Variants in PPARG observed in about 807,000 individuals in gnomAD.
PPARG encodes the protein peroxisome proliferator activated receptor gamma.
A neutral mutation model predicts 39.2 loss-of-function variants in PPARG; 17 were observed. The ratio of observed to expected loss-of-function variants is 0.43; its 90% CI spans 0.30 to 0.65. PPARG has a LOEUF of 0.65. PPARG is among the 30% of genes least tolerant of loss of function. PPARG has a pLI of 0.13. For missense variants in PPARG, 406 were observed against 585.9 expected, an observed-to-expected ratio of 0.69 and a Z score of 3.17; for synonymous variants, 223 against 215.7, an observed-to-expected ratio of 1.03 and a Z score of -0.30.
chr3:12,376,913 G>A (rs903397359), intron 2 of PPARG, among the ~76,000 whole-genome samples: 1 of 152,160 alleles, frequency 6.6e-6, no homozygotes, highest in Non-Finnish European at 1.5e-5. Context: ...TTTATGAGCA[G>A]CTCATCTCTG....
chr3:12,330,032 A>G (rs992551452), intron 2 of PPARG, among the ~76,000 whole-genome samples: 1 of 152,112 alleles, frequency 6.6e-6, no homozygotes, highest in African/African-American at 2.4e-5. Flanking sequence ...GTGTTTCTCC[A>G]TTCATCTACT....
chr3:12,351,757 G>T (rs1323197853), intron 2 of PPARG: 1 of 1,109,346 alleles, frequency 9.0e-7, no homozygotes, highest in Non-Finnish European at 1.4e-6. Context: ...TTGTCTTCCA[G>T]GTTGTGTTTG....
intron 2 of PPARG, among the ~76,000 whole-genome samples, chr3:12,358,641 T>C (rs2048740935): frequency 6.6e-6 from 1 of 152,212 alleles, no homozygotes; most frequent in African/African-American, 2.4e-5. Flanking sequence ...CAAGTTTGCT[T>C]AGTGGATTAA....
intron 7 of PPARG, among the ~76,000 whole-genome samples, chr3:12,422,711 C>T (rs530737182): frequency 2.3e-3 from 357 of 152,092 alleles, no homozygotes; most frequent in Non-Finnish European, 4.4e-3. Context: ...GAGGCTTCGT[C>T]TCTACAAAAA....
chr3:12,340,906 T>C (rs968987385), intron 2 of PPARG, among the ~76,000 whole-genome samples: 2 of 152,174 alleles, frequency 1.3e-5, no homozygotes, highest in Non-Finnish European at 2.9e-5. Flanking sequence ...ATTAGATGGC[T>C]GGGCGTGGTG....
chr3:12,405,539 C>G (rs1051234349), intron 5 of PPARG, among the ~76,000 whole-genome samples: 3 of 152,162 alleles, frequency 2.0e-5, no homozygotes, highest in African/African-American at 7.2e-5. Context: ...AAGAAGGTGA[C>G]CTTTGAATTG....
intron 2 of PPARG, among the ~76,000 whole-genome samples, chr3:12,322,499 G>C (rs373525175): frequency 1.4e-4 from 22 of 152,322 alleles, no homozygotes; most frequent in Admixed American, 5.2e-4. Context: ...TGCAGTAAAA[G>C]TTCAGAGAAG....
At chr3:12,332,619 A>C (rs1467291171) in intron 2 of PPARG, among the ~76,000 whole-genome samples, 1 of 152,210 alleles carries the variant, frequency 6.6e-6, no homozygotes, top group Non-Finnish European at 1.5e-5. Context: ...TACATTCCTC[A>C]GCATTATTAA....
intron 2 of PPARG, among the ~76,000 whole-genome samples, chr3:12,376,648 A>G (rs1380921345): frequency 6.6e-6 from 1 of 152,180 alleles, no homozygotes; most frequent in Non-Finnish European, 1.5e-5. Context: ...AGTGGGAATA[A>G]TATTTCAGAT....
At chr3:12,408,830 A>G (rs1450728708) in intron 6 of PPARG, among the ~76,000 whole-genome samples, 1 of 102,464 alleles carries the variant, frequency 9.8e-6, no homozygotes, top group Non-Finnish European at 1.9e-5. Flanking sequence ...AAAGTCAGGC[A>G]AAAGACTGAT....
At chr3:12,419,531 C>T (rs530386406) in intron 7 of PPARG, among the ~76,000 whole-genome samples, 4 of 151,912 alleles carry the variant, frequency 2.6e-5, no homozygotes, top group East Asian at 3.9e-4. Flanking sequence ...GGTGCGATCT[C>T]GGCTCACTAC....
intron 2 of PPARG, chr3:12,351,762 T>C (rs989722869): frequency 7.1e-5 from 75 of 1,061,338 alleles, no homozygotes; most frequent in Admixed American, 1.2e-4. Flanking sequence ...TTCCAGGTTG[T>C]GTTTGTTTTA....
chr3:12,381,289 G>T (rs1295230209), intron 3 of PPARG, 33 bp from the exon 4 acceptor site: 1 of 1,606,744 alleles, frequency 6.2e-7, no homozygotes, highest in Non-Finnish European at 8.5e-7. Context: ...GTTTTCATGG[G>T]ATAATTATCC....
At chr3:12,392,567 A>G (rs762930373) in intron 4 of PPARG, 47 bp from the exon 5 acceptor site, 5 of 1,608,986 alleles carry the variant, frequency 3.1e-6, no homozygotes, top group Non-Finnish European at 3.4e-6. Context: ...TGCTGCTTCC[A>G]TGTGTCATAA....
At chr3:12,365,499 T>A (rs1473391175) in intron 2 of PPARG, among the ~76,000 whole-genome samples, 1 of 152,138 alleles carries the variant, frequency 6.6e-6, no homozygotes, top group African/African-American at 2.4e-5. Flanking sequence ...CAGGGAGTTT[T>A]ATAGTTTTGT....
intron 2 of PPARG, among the ~76,000 whole-genome samples, chr3:12,340,433 G>A (rs561906770): frequency 3.3e-5 from 5 of 152,172 alleles, no homozygotes; most frequent in East Asian, 1.9e-4. Flanking sequence ...TTTTTATTGC[G>A]GGGGAGAGGT....
chr3:12,334,792 C>T (rs116417561), intron 2 of PPARG, among the ~76,000 whole-genome samples: 1 of 152,334 alleles, frequency 6.6e-6, no homozygotes, highest in African/African-American at 2.4e-5. Flanking sequence ...CCAACATGTA[C>T]TTCAGCTGTT....
At chr3:12,367,569 C>A (rs941398464) in intron 2 of PPARG, among the ~76,000 whole-genome samples, 13 of 151,854 alleles carry the variant, frequency 8.6e-5, no homozygotes, top group African/African-American at 3.1e-4. Context: ...TGAACATGGG[C>A]CAAGCATAGT....
chr3:12,333,602 G>A (rs150754975), intron 2 of PPARG, among the ~76,000 whole-genome samples: 2,016 of 152,138 alleles, frequency 0.013, 20 homozygotes, highest in Middle Eastern at 0.034. Flanking sequence ...ATGGAACCTT[G>A]GCTAAGCCAC....
Sources: allele counts gnomAD v4.1 joint callset (sites outside exome capture counted in the v4.1 genomes callset), GRCh38; gene constraint gnomAD v4.1.1; transcripts MANE v1.5; gene names NCBI Gene and HGNC (gene_info 2026-07-23, HGNC 2026-07-21).